The following RYR2 variants were observed in gnomAD, a reference collection of about 807,000 sequenced individuals.
The protein encoded by RYR2 is cardiac muscle ryanodine receptor-calcium release channel.
RYR2 carries 227 observed loss-of-function variants against 601.1 expected under a neutral mutation model. That is an observed-to-expected ratio of 0.38 (90% CI 0.34 to 0.42). The LOEUF (loss-of-function observed/expected upper bound fraction) is 0.42, where lower values mean the gene tolerates loss of function less well. Ranked by LOEUF, RYR2 falls within the 10% of genes least tolerant of loss-of-function variation. The pLI, the probability that RYR2 is intolerant of heterozygous loss-of-function variation, is 1.00. For synonymous variants in RYR2, 2,223 were observed against 2,175.1 expected, an observed-to-expected ratio of 1.02 and a Z score of -0.61; for missense variants, 4,646 against 6,156.5, an observed-to-expected ratio of 0.75 and a Z score of 8.21.
chr1:237,733,116 A>G (rs1305479387), intron 78 of RYR2, among the ~76,000 whole-genome samples: 2 of 152,324 alleles, frequency 1.3e-5, no homozygotes, highest in African/African-American at 4.8e-5. Context: ...GGTATTTCTC[A>G]TAAGTGAATT....
chr1:237,533,902 C>G (rs1232938982), intron 25 of RYR2, among the ~76,000 whole-genome samples: 1 of 151,936 alleles, frequency 6.6e-6, no homozygotes, highest in Non-Finnish European at 1.5e-5. Flanking sequence ...TATTATAATG[C>G]TTTGAAGCAT....
At chr1:237,284,638 G>C (rs1691313559) in intron 2 of RYR2, among the ~76,000 whole-genome samples, 1 of 131,266 alleles carries the variant, frequency 7.6e-6, no homozygotes, top group Admixed American at 7.9e-5. Flanking sequence ...TATATGTATA[G>C]TGTGTGTATA....
chr1:237,785,031 T>A, intron 90 of RYR2, 59 bp downstream of exon 90: 1 of 1,210,974 alleles, frequency 8.3e-7, no homozygotes, highest in Admixed American at 2.0e-5. Flanking sequence ...GTATAATAAA[T>A]GATCATTAGA....
At chr1:237,045,057 A>G (rs1300806029) in intron 1 of RYR2, among the ~76,000 whole-genome samples, 3 of 151,998 alleles carry the variant, frequency 2.0e-5, no homozygotes, top group Admixed American at 2.0e-4. Flanking sequence ...GTGATGGATG[A>G]AGCTGTTTTG....
intron 15 of RYR2, among the ~76,000 whole-genome samples, chr1:237,456,356 C>T (rs982817655): frequency 2.6e-5 from 4 of 152,138 alleles, no homozygotes; most frequent in Non-Finnish European, 4.4e-5. Flanking sequence ...TTAGGTTATT[C>T]TTCCACTGCT....
At chr1:237,709,988 A>G (rs1573619477) in intron 70 of RYR2, among the ~76,000 whole-genome samples, 1 of 152,168 alleles carries the variant, frequency 6.6e-6, no homozygotes, top group East Asian at 1.9e-4. Context: ...CACACTTTAC[A>G]CCTAAGGAAT....
At chr1:237,308,175 G>C (rs187417109) in intron 2 of RYR2, among the ~76,000 whole-genome samples, 98 of 152,282 alleles carry the variant, frequency 6.4e-4, no homozygotes, top group African/African-American at 2.2e-3. Flanking sequence ...CTGATATCTA[G>C]AGAACAATGG....
chr1:237,141,843 A>G lies in RYR2; in HGVS notation c.48+99274A>G, dbSNP rs939515108. 2.0e-5 allele frequency among the ~76,000 whole-genome samples: 3 copies of G among 152,150 alleles called. No homozygotes were observed. The East Asian group carries it at 5.8e-4, about 29-fold the overall frequency. On this transcript the variant is annotated intron_variant, in intron 1 of 104. Transcript: ENST00000366574. Reference sequence around the variant, plus strand: ...AACACCTTCTTCTTGGCTGGGCACTATGGCCTTGGTTCACCACTTGGACCT... The same window carrying G: ...AACACCTTCTTCTTGGCTGGGCACTGTGGCCTTGGTTCACCACTTGGACCT...
At chr1:237,205,822 C>T (rs746426425) in intron 1 of RYR2, among the ~76,000 whole-genome samples, 2 of 152,180 alleles carry the variant, frequency 1.3e-5, no homozygotes, top group Non-Finnish European at 2.9e-5. Flanking sequence ...GGCAGAGAGC[C>T]GTGATGGGGC....
intron 1 of RYR2, among the ~76,000 whole-genome samples, chr1:237,172,995 C>T (rs1677588762): frequency 1.3e-5 from 2 of 152,142 alleles, no homozygotes; most frequent in South Asian, 4.1e-4. Flanking sequence ...CTAGTATGAG[C>T]TGTTGGCAAT....
intron 10 of RYR2, among the ~76,000 whole-genome samples, chr1:237,408,792 A>C (rs1274892851): frequency 6.6e-6 from 1 of 152,174 alleles, no homozygotes; most frequent in Non-Finnish European, 1.5e-5. Context: ...TGAAATATTG[A>C]GTCTTCCTAT....
At chr1:237,485,318 A>T (rs1662568027) in intron 17 of RYR2, among the ~76,000 whole-genome samples, 1 of 152,214 alleles carries the variant, frequency 6.6e-6, no homozygotes, top group South Asian at 2.1e-4. Flanking sequence ...ATTTATATTC[A>T]TTCACTTATT....
intron 24 of RYR2, among the ~76,000 whole-genome samples, chr1:237,526,339 C>CTTTAT (rs753603601): frequency 6.0e-5 from 9 of 150,454 alleles, no homozygotes; most frequent in Non-Finnish European, 1.2e-4. Flanking sequence ...GTCCTTTTTT[C>CTTTAT]TTTCTTTTCT....
At chr1:237,615,970 A>G (rs770584194) in intron 37 of RYR2, among the ~76,000 whole-genome samples, 9 of 152,050 alleles carry the variant, frequency 5.9e-5, no homozygotes, top group Non-Finnish European at 1.2e-4. Flanking sequence ...TGCAAAACAA[A>G]TAGCCCAGCA....
chr1:237,054,125 G>A (rs887330140), intron 1 of RYR2, among the ~76,000 whole-genome samples: 6 of 152,120 alleles, frequency 3.9e-5, no homozygotes, highest in South Asian at 2.1e-4. Flanking sequence ...TTGCTGGCGA[G>A]CCCAGGGTTT....
At chr1:237,814,179 A>C (rs1346324456) in intron 100 of RYR2, among the ~76,000 whole-genome samples, 1 of 152,252 alleles carries the variant, frequency 6.6e-6, no homozygotes, top group East Asian at 1.9e-4. Flanking sequence ...TTTAAAATAT[A>C]ACTGATCACT....
At position 237,651,362 on chromosome 1, in the gene RYR2, A is replaced by C. The variant is rs1295239367; in HGVS notation, c.7734-49A>C. Reference sequence around the variant, plus strand: ...ATTTATTCTAATGAATGATCTACTTAGTTTAGAAACATTTCTTGGCATTAT... The same window carrying C: ...ATTTATTCTAATGAATGATCTACTTCGTTTAGAAACATTTCTTGGCATTAT... On this transcript the variant is annotated intron_variant, in intron 50 of 104. Transcript: ENST00000366574. 14 of 1,242,820 alleles carry C rather than the reference A, an allele frequency of 1.1e-5. No homozygotes were observed. The Middle Eastern group carries it at 1.1e-3, about 99-fold the overall frequency. The allele number at this position is 1,242,820 out of a possible 1,614,324, so 77.0% of individuals were successfully genotyped here.
At chr1:237,699,716 A>G (rs1687792945) in intron 64 of RYR2, among the ~76,000 whole-genome samples, 1 of 152,240 alleles carries the variant, frequency 6.6e-6, no homozygotes, top group Non-Finnish European at 1.5e-5. Flanking sequence ...ACACCATTAC[A>G]GACCTTCACT....
At chr1:237,289,139 A>G (rs1424937344) in intron 2 of RYR2, among the ~76,000 whole-genome samples, 1 of 152,098 alleles carries the variant, frequency 6.6e-6, no homozygotes, top group Non-Finnish European at 1.5e-5. Flanking sequence ...TGGTTGGGGC[A>G]CTCACAGTTT....
Sources: gnomAD v4.1 joint callset for allele counts (sites outside exome capture counted in the v4.1 genomes callset) on GRCh38, gnomAD v4.1.1 for gene constraint, MANE v1.5 for transcripts, NCBI Gene and HGNC (gene_info 2026-07-23, HGNC 2026-07-21) for gene names.